Variants in ICA1 observed in about 807,000 individuals in gnomAD.
The protein encoded by ICA1 is 69 kDa islet cell autoantigen.
In ICA1, 40 loss-of-function variants were observed where a neutral mutation model predicts 71.0. The ratio of observed to expected loss-of-function variants is 0.56; its 90% CI spans 0.44 to 0.73. The LOEUF is 0.73. Ranked by LOEUF, ICA1 falls within the 30% of genes least tolerant of loss-of-function variation. The pLI is 0.00. For missense variants in ICA1, 578 were observed against 576.5 expected, an observed-to-expected ratio of 1.00 and a Z score of -0.03; for synonymous variants, 207 against 209.5, an observed-to-expected ratio of 0.99 and a Z score of 0.10.
At position 8,144,858 on chromosome 7, in the gene ICA1, G is replaced by A. The variant is rs890561914; in HGVS notation, c.805-886C>T. ...TACTAAAATCCAAGTCATGAGCCTG[G>A]GGCCTTCACCTTGTTTCTCCTGTCC... is the stretch of plus-strand genomic sequence containing the variant. On this transcript the variant is annotated intron_variant, in intron 8 of 13. Coordinates refer to ENST00000402384, the MANE Select transcript of ICA1 (RefSeq NM_001136020.3). The surrounding 1 kb of genome is among the most constrained non-coding windows in gnomAD (Gnocchi z 4.5). 6.6e-6 allele frequency among the ~76,000 whole-genome samples: 1 copy of A among 152,028 alleles called. No homozygotes were observed. The highest frequency in any genetic ancestry group is 1.5e-5 in the Non-Finnish European group (1 of 68,010).
chr7:8,163,630 C>T (rs902630815), intron 6 of ICA1, among the ~76,000 whole-genome samples: 8 of 152,152 alleles, frequency 5.3e-5, no homozygotes, highest in Admixed American at 5.2e-4. Flanking sequence ...GGATGTCCTC[C>T]GAGGACATGG....
At chr7:8,250,131 T>C (rs753975712) in intron 1 of ICA1, among the ~76,000 whole-genome samples, 25 of 152,206 alleles carry the variant, frequency 1.6e-4, no homozygotes, top group Non-Finnish European at 3.7e-4. Context: ...AAAAAAATAA[T>C]TGGATGTCTG....
intron 12 of ICA1, among the ~76,000 whole-genome samples, chr7:8,134,281 A>G (rs888209829): frequency 1.3e-5 from 2 of 152,206 alleles, no homozygotes; most frequent in African/African-American, 2.4e-5. Context: ...CCAATGAGCA[A>G]TATCTGTGTG....
At chr7:8,175,399 TAATA>T (rs1168871765) in intron 6 of ICA1, among the ~76,000 whole-genome samples, 1 of 152,222 alleles carries the variant, frequency 6.6e-6, no homozygotes, top group Non-Finnish European at 1.5e-5. Flanking sequence ...AATTCAGTGA[TAATA>T]AATAAGCAGT....
In ICA1 at chr7:8,132,332, C is replaced by T. The variant is rs1230988338; in HGVS notation, c.1061-4190G>A. On this transcript the variant is annotated intron_variant, in intron 12 of 13. Transcript: ENST00000402384. This position sits in a 1 kb window ranked among gnomAD's most constrained non-coding sequence, Gnocchi z 4.5. ...TCCCCTAGCCGCAGGAGATGTGTGC[C>T]TATCTCAACAATAATCAGCCTTCAC... Among the ~76,000 whole-genome samples, 1 of 152,132 alleles carries T rather than the reference C, an allele frequency of 6.6e-6. No individual in the cohort carries two copies. Among genetic ancestry groups the T allele is most frequent in the Admixed American group, 6.5e-5 (1 of 15,274 alleles).
At chr7:8,229,797 C>T (rs1265507511) in intron 3 of ICA1, among the ~76,000 whole-genome samples, 1 of 152,092 alleles carries the variant, frequency 6.6e-6, no homozygotes, top group East Asian at 1.9e-4. Context: ...TTGCATCTTC[C>T]ACCTGTTTAG....
intron 7 of ICA1, 22 bp downstream of exon 7, chr7:8,158,505 G>C (rs1188653043): frequency 6.2e-7 from 1 of 1,613,080 alleles, no homozygotes; most frequent in Non-Finnish European, 8.5e-7. Context: ...TTGGTTCATT[G>C]CAACAAACAT....
chr7:8,125,181 TC>T (rs999968994), intron 13 of ICA1, among the ~76,000 whole-genome samples: 3 of 152,160 alleles, frequency 2.0e-5, no homozygotes, highest in African/African-American at 7.2e-5. Flanking sequence ...GGAAATCAGA[TC>T]ATGTTTCTCT....
At chr7:8,216,911 C>T (rs922171560) in intron 6 of ICA1, among the ~76,000 whole-genome samples, 1 of 152,216 alleles carries the variant, frequency 6.6e-6, no homozygotes, top group Non-Finnish European at 1.5e-5. Flanking sequence ...AAATGATAAG[C>T]ACTCTGCCCT....
intron 3 of ICA1, among the ~76,000 whole-genome samples, chr7:8,230,082 G>A (rs771756602): frequency 6.6e-6 from 1 of 152,212 alleles, no homozygotes; most frequent in Non-Finnish European, 1.5e-5. Context: ...TCATGCCCAA[G>A]GCAAGATAAG....
intron 13 of ICA1, among the ~76,000 whole-genome samples, chr7:8,122,610 G>A (rs1036898606): frequency 6.6e-6 from 1 of 152,258 alleles, no homozygotes; most frequent in Non-Finnish European, 1.5e-5. Flanking sequence ...TCCCTCACAC[G>A]ATTCTGAGGA....
intron 6 of ICA1, among the ~76,000 whole-genome samples, chr7:8,178,526 C>T (rs1276290051): frequency 1.3e-5 from 2 of 151,018 alleles, no homozygotes; most frequent in Non-Finnish European, 2.9e-5. Context: ...GGGTCTGTAG[C>T]TTCTATTTTT....
Position 8,249,182 on chromosome 7 carries a change from G to C in ICA1, c.-80+12912C>G, listed in dbSNP as rs1041865110. 2.0e-5 allele frequency among the ~76,000 whole-genome samples: 3 copies of C among 152,258 alleles called. No homozygotes were observed. In the East Asian group the frequency reaches 5.8e-4, roughly 29 times the overall value. ...GCAGAGGAAACTGCCAGGGTTTGAG[G>C]GGCACAGAACAGAGGCACAATGCTG... On this transcript the variant is annotated intron_variant, in intron 1 of 13. Transcript: ENST00000402384.
rs1783735176 is a variant in ICA1 at position 8,113,219 on chromosome 7, A to G, written c.*704T>C. The G allele has an allele frequency of 6.6e-6, 1 of 152,028 alleles. No homozygotes were observed. Among genetic ancestry groups the G allele is most frequent in the African/African-American group, 2.4e-5 (1 of 41,420 alleles). 9.4% of individuals were successfully genotyped at this position (152,028 alleles called of 1,614,324 possible). ...AAATATCTTTTCTGTTTAATTAAAA[A>G]AAAAAAAAAAACAATGTCACAAGAG... On this transcript the variant is annotated 3_prime_UTR_variant, in exon 14 of 14. Transcript: ENST00000402384. The surrounding 1 kb of genome is among the most constrained non-coding windows in gnomAD (Gnocchi z 4.2).
chr7:8,118,330 T>C (rs1437592273), intron 13 of ICA1, among the ~76,000 whole-genome samples: 2 of 152,216 alleles, frequency 1.3e-5, no homozygotes, highest in African/African-American at 4.8e-5. Context: ...TTTGAACATA[T>C]ACATAACAGA....
chr7:8,175,148 C>A (rs530842545), intron 6 of ICA1, among the ~76,000 whole-genome samples: 4 of 148,110 alleles, frequency 2.7e-5, no homozygotes, highest in Non-Finnish European at 5.9e-5. Context: ...CGGGGAGGGG[C>A]ACAGAGTGGG....
intron 1 of ICA1, among the ~76,000 whole-genome samples, chr7:8,259,239 G>C (rs577871370): frequency 6.6e-5 from 10 of 152,334 alleles, no homozygotes; most frequent in African/African-American, 2.4e-4. Context: ...GTCTGGAAGA[G>C]AGTAGCAGGC....
intron 6 of ICA1, among the ~76,000 whole-genome samples, chr7:8,211,356 C>T (rs927868640): frequency 2.0e-5 from 3 of 152,314 alleles, no homozygotes; most frequent in Non-Finnish European, 2.9e-5. Context: ...CCCCCGGTGA[C>T]GGGCACCTTC....
chr7:8,159,849 G>A (rs1012650044), intron 6 of ICA1, among the ~76,000 whole-genome samples: 6 of 152,146 alleles, frequency 3.9e-5, no homozygotes, highest in African/African-American at 1.4e-4. Context: ...ACCTTACTGA[G>A]GTATGATTGA....
Sources: gnomAD v4.1 joint callset for allele counts (sites outside exome capture counted in the v4.1 genomes callset) on GRCh38, gnomAD v4.1.1 for gene constraint, Gnocchi (gnomAD v3.1) non-coding constraint, MANE v1.5 for transcripts, NCBI Gene and HGNC (gene_info 2026-07-23, HGNC 2026-07-21) for gene names.